The following HELZ2 variants were observed in gnomAD, a reference collection of about 807,000 sequenced individuals.
HELZ2 encodes 3'-5' exoribonuclease HELZ2.
In HELZ2, 143 loss-of-function variants were observed where a neutral mutation model predicts 208.8. The ratio of observed to expected loss-of-function variants is 0.68; its 90% CI spans 0.60 to 0.79. The LOEUF (loss-of-function observed/expected upper bound fraction) is 0.79, where lower values mean the gene tolerates loss of function less well. Ranked by LOEUF, HELZ2 falls within the 30% of genes least tolerant of loss-of-function variation. The probability of loss-of-function intolerance (pLI) is 0.00; values close to 1 mark genes in which losing one functional copy is unlikely to be tolerated. For missense variants in HELZ2, 3,690 were observed against 3,794.5 expected (o/e 0.97, Z 0.72); for synonymous variants, 1,705 against 1,693.7 (o/e 1.01, Z -0.16).
exon 17 of HELZ2, chr20:63,560,289 T>A: frequency 6.4e-7 from 1 of 1,561,132 alleles, no homozygotes; most frequent in Non-Finnish European, 8.6e-7. Flanking sequence ...CCTGGGGCTC[T>A]ACGGTCCTCC....
At chr20:63,560,913 T>C in exon 15 of HELZ2, 1 of 1,612,710 alleles carries the variant, frequency 6.2e-7, no homozygotes, top group Non-Finnish European at 8.5e-7. Context: ...CTGCTTGTGG[T>C]CTCCGAGAAG....
chr20:63,572,722 C>T, upstream of HELZ2: 2 of 314,730 alleles, frequency 6.4e-6, no homozygotes, highest in Non-Finnish European at 1.2e-5. Context: ...TGCCCTGCAC[C>T]TCCGCCTTCA....
rs1392622681 is a variant in HELZ2 at position 63,559,564 on chromosome 20, CAGGGTCAGGTGGGAGG to C, written c.7826-210_7826-195del. Among the ~76,000 whole-genome samples the C allele has an allele frequency of 1.4e-3, 86 of 59,324 alleles. 26 individuals are homozygous for C. In the East Asian group the frequency reaches 0.074, roughly 51 times the overall value. 38.9% of individuals were successfully genotyped at this position (59,324 alleles called of 152,430 possible). On this transcript the variant is annotated intron_variant, in intron 18 of 18. Coordinates refer to ENST00000467148, the Ensembl canonical transcript of HELZ2. The stretch of plus-strand genomic sequence containing the variant: ...GGAGTCAGGGTCAGGTGGGAGGAGT[CAGGGTCAGGTGGGAGG>C]AGTCAGGGTCAGGTGGGAGGAGTCA...
exon 8 of HELZ2, chr20:63,564,252 T>G: frequency 6.2e-7 from 1 of 1,611,786 alleles, no homozygotes; most frequent in Non-Finnish European, 8.5e-7. Flanking sequence ...TCCTTCACCA[T>G]GATGTGGGCC....
chr20:63,568,478 A>G, exon 5 of HELZ2: 1 of 1,591,154 alleles, frequency 6.3e-7, no homozygotes. Flanking sequence ...TAGCGGGGGG[A>G]CACGCCTCCC....
chr20:63,560,368 T>G, intron 16 of HELZ2, 41 bp from the exon 18 acceptor site: 1 of 1,496,236 alleles, frequency 6.7e-7, no homozygotes, highest in South Asian at 1.4e-5. Context: ...CCCTGGTGTC[T>G]CTCCTGCCCT....
chr20:63,562,479 G>A, intron 8 of HELZ2, 41 bp downstream of exon 9: 1 of 1,531,730 alleles, frequency 6.5e-7, no homozygotes, highest in Non-Finnish European at 8.8e-7. Flanking sequence ...GGGGCCCGGG[G>A]CGGTCCCCCA....
Position 63,563,706 on chromosome 20 carries a change from GC to G in HELZ2, c.5115del (p.Leu1706SerfsTer264). The G allele has an allele frequency of 6.3e-7, 1 of 1,588,214 alleles. No homozygotes were observed. Among genetic ancestry groups the G allele is most frequent in the Non-Finnish European group, 8.5e-7 (1 of 1,172,086 alleles). On this transcript the variant is annotated frameshift_variant, in exon 8 of 19. Coordinates refer to ENST00000467148, the Ensembl canonical transcript of HELZ2. LOFTEE classifies it high-confidence loss of function. ...TGCTGGAGGCTGAAGGCCTGGCAGA[GC>G]CCATCGATGTCCCTGGCAGAGTAGG...
In HELZ2 at chr20:63,565,237, C is replaced by T. The variant is rs1279270828; in HGVS notation, c.3585G>A (p.Leu1195=). The T allele has an allele frequency of 8.1e-6, 13 of 1,607,082 alleles. No individual in the cohort carries two copies. In the South Asian group the frequency reaches 1.2e-4, roughly 15 times the overall value. Residue 1195 remains leucine, a synonymous_variant, in exon 8 of 19, where the codon CTG becomes CTA. Coordinates refer to ENST00000467148, the Ensembl canonical transcript of HELZ2. Reference sequence around the variant, plus strand: ...ACGCCAGCTCGTGCCTCTTCCTCTTCAGCACGCCCAGCACGCGGCCCCGAA... The same window carrying T: ...ACGCCAGCTCGTGCCTCTTCCTCTTTAGCACGCCCAGCACGCGGCCCCGAA...
chr20:63,564,454 C>G, exon 8 of HELZ2: 1 of 1,572,266 alleles, frequency 6.4e-7, no homozygotes, highest in South Asian at 1.2e-5. Context: ...CCTCGTAGGA[C>G]AGCTGGCGGT....
At chr20:63,569,768 C>T (rs2083000434) in intron 3 of HELZ2, 103 bp from the exon 5 acceptor site, 1 of 1,226,906 alleles carries the variant, frequency 8.2e-7, no homozygotes, top group South Asian at 1.6e-5. Context: ...AGGTCCTGGC[C>T]CTGCCACTTC....
rs374571962 is a variant in HELZ2 at position 63,561,075 on chromosome 20, G to A, written c.7146+7C>T. 257 of 1,607,942 alleles carry A rather than the reference G, an allele frequency of 1.6e-4. No individual in the cohort carries two copies. Among genetic ancestry groups the A allele is most frequent in the Non-Finnish European group, 2.0e-4 (232 of 1,176,660 alleles). ...GCTCATGCTGCCCACACCCCCCGCC[G>A]ACCAACCTTCTCGGCCTGTGGGAAC... On this transcript the variant is annotated splice_region_variant and intron_variant, in intron 14 of 18. Transcript: ENST00000467148.
upstream of HELZ2, chr20:63,572,655 C>G (rs193240598): frequency 1.3e-3 from 561 of 446,994 alleles, 2 homozygotes; most frequent in Non-Finnish European, 8.3e-4. Context: ...TCGAAGCGGC[C>G]GCCAAACTCC....
chr20:63,566,912 T>C, exon 6 of HELZ2: 2 of 1,609,600 alleles, frequency 1.2e-6, no homozygotes, highest in South Asian at 2.2e-5. Flanking sequence ...GGCCAGGTGT[T>C]GTAGGCCTCC....
At chr20:63,565,909 C>A in exon 8 of HELZ2, 1 of 1,597,374 alleles carries the variant, frequency 6.3e-7, no homozygotes, top group South Asian at 1.1e-5. Flanking sequence ...CCCAGTTCCC[C>A]GCTGCCCCAG....
At chr20:63,561,227 T>C (rs776092392) in exon 14 of HELZ2, 34 of 1,612,766 alleles carry the variant, frequency 2.1e-5, no homozygotes, top group Non-Finnish European at 2.4e-5. Context: ...GATGACCTCA[T>C]GCCGGTCCAG....
intron 5 of HELZ2, chr20:63,567,884 C>G: frequency 1.4e-6 from 1 of 690,442 alleles, no homozygotes; most frequent in Non-Finnish European, 2.4e-6. Context: ...GTCCCCAGAA[C>G]CCCCAATCCA....
exon 8 of HELZ2, chr20:63,565,935 G>C (rs2082950968): frequency 6.3e-7 from 1 of 1,598,696 alleles, no homozygotes. Context: ...GTGCCTCGGG[G>C]AGGCCAGCGC....
At chr20:63,564,055 G>A in exon 8 of HELZ2, 1 of 1,604,326 alleles carries the variant, frequency 6.2e-7, no homozygotes, top group Non-Finnish European at 8.5e-7. Context: ...CGGGGGGACT[G>A]CCCCCGCCGC....
Sources: gnomAD v4.1 joint callset for allele counts (sites outside exome capture counted in the v4.1 genomes callset) on GRCh38, gnomAD v4.1.1 for gene constraint, MANE v1.5 for transcripts, NCBI Gene and HGNC (gene_info 2026-07-23, HGNC 2026-07-21) for gene names.